Variants in SNTG1 observed in about 807,000 individuals in gnomAD.
SNTG1 encodes syntrophin gamma 1, also known as gamma-1-syntrophin.
A neutral mutation model predicts 74.7 loss-of-function variants in SNTG1; 39 were observed. The ratio of observed to expected loss-of-function variants is 0.52; its 90% CI spans 0.40 to 0.68. The LOEUF is 0.68. Ranked by LOEUF, SNTG1 falls within the 30% of genes least tolerant of loss-of-function variation. The pLI is 0.00. For synonymous variants in SNTG1, 254 were observed against 217.1 expected, an observed-to-expected ratio of 1.17 and a Z score of -1.49; for missense variants, 685 against 609.5, an observed-to-expected ratio of 1.12 and a Z score of -1.30.
chr8:50,108,638 C>T (rs934507946), intron 1 of SNTG1, among the ~76,000 whole-genome samples: 1 of 152,144 alleles, frequency 6.6e-6, no homozygotes, highest in African/African-American at 2.4e-5. Flanking sequence ...TTAGTATCTT[C>T]TTTCTTTGTG....
intron 2 of SNTG1, among the ~76,000 whole-genome samples, chr8:50,259,936 A>G (rs1159725719): frequency 6.6e-6 from 1 of 152,144 alleles, no homozygotes. Flanking sequence ...GTGGATGAGT[A>G]TTAATAGTTC....
chr8:50,022,523 C>A (rs2130687096), intron 1 of SNTG1, among the ~76,000 whole-genome samples: 1 of 152,304 alleles, frequency 6.6e-6, no homozygotes, highest in East Asian at 1.9e-4. Flanking sequence ...CAGATCCTCC[C>A]TAGCACTGAT....
chr8:50,785,016 CTCA>C (rs2095670656), intron 18 of SNTG1, among the ~76,000 whole-genome samples: 1 of 151,868 alleles, frequency 6.6e-6, no homozygotes, highest in Non-Finnish European at 1.5e-5. Context: ...ACAATGAAAT[CTCA>C]TCATGCTAAA....
intron 1 of SNTG1, among the ~76,000 whole-genome samples, chr8:49,957,823 A>G (rs538455138): frequency 6.6e-6 from 1 of 152,246 alleles, no homozygotes; most frequent in Admixed American, 6.5e-5. Flanking sequence ...TTTAAAAGCC[A>G]GGCATGGTGG....
At chr8:50,088,263 T>G (rs903468678) in intron 1 of SNTG1, among the ~76,000 whole-genome samples, 2 of 150,338 alleles carry the variant, frequency 1.3e-5, no homozygotes, top group African/African-American at 2.4e-5. Context: ...TTCAAAATAA[T>G]AAGAGCTATC....
chr8:50,431,692 G>C (rs1396994510), intron 4 of SNTG1, among the ~76,000 whole-genome samples: 3 of 152,078 alleles, frequency 2.0e-5, no homozygotes, highest in African/African-American at 7.2e-5. Flanking sequence ...AAAGCATTTG[G>C]TATTGTCAGT....
chr8:50,141,655 A>T (rs2081662399), intron 1 of SNTG1, among the ~76,000 whole-genome samples: 1 of 152,140 alleles, frequency 6.6e-6, no homozygotes, highest in Non-Finnish European at 1.5e-5. Flanking sequence ...CAATGACAAC[A>T]ACAAAATGAC....
chr8:50,592,355 C>A (rs1231946865), intron 13 of SNTG1, among the ~76,000 whole-genome samples: 1 of 152,112 alleles, frequency 6.6e-6, no homozygotes, highest in Non-Finnish European at 1.5e-5. Context: ...TGTCGTCACC[C>A]TCTCATGCCC....
chr8:50,473,997 C>G (rs11995834), intron 8 of SNTG1, among the ~76,000 whole-genome samples: 130,670 of 151,860 alleles, frequency 0.86, 56,333 homozygotes, highest in Non-Finnish European at 0.89. Flanking sequence ...ACTGGCTCCA[C>G]CACAGAGGTG....
chr8:50,410,254 GGT>G (rs2131391036), intron 4 of SNTG1, among the ~76,000 whole-genome samples: 2 of 152,222 alleles, frequency 1.3e-5, no homozygotes, highest in South Asian at 4.1e-4. Flanking sequence ...TGGGAGGCAT[GGT>G]GTGTGCAGGC....
intron 2 of SNTG1, among the ~76,000 whole-genome samples, chr8:50,371,386 G>A (rs1395424737): frequency 6.6e-6 from 1 of 152,122 alleles, no homozygotes; most frequent in Non-Finnish European, 1.5e-5. Flanking sequence ...AATTCCCATG[G>A]ACCCCATTCC....
chr8:50,462,063 A>G (rs1363077787), intron 8 of SNTG1, among the ~76,000 whole-genome samples: 1 of 152,094 alleles, frequency 6.6e-6, no homozygotes, highest in African/African-American at 2.4e-5. Context: ...CTCCAATGAC[A>G]GGTGCACCAA....
intron 1 of SNTG1, among the ~76,000 whole-genome samples, chr8:49,929,464 C>T (rs186146540): frequency 2.8e-4 from 43 of 152,320 alleles, no homozygotes; most frequent in African/African-American, 4.6e-4. Flanking sequence ...GTCATAGCAA[C>T]GATGCAACTT....
chr8:50,058,451 A>G (rs1820207201), intron 1 of SNTG1, among the ~76,000 whole-genome samples: 1 of 152,114 alleles, frequency 6.6e-6, no homozygotes, highest in African/African-American at 2.4e-5. Context: ...TAGAAAGGCC[A>G]AGTGATTTTT....
intron 13 of SNTG1, among the ~76,000 whole-genome samples, chr8:50,600,647 T>C (rs2094765976): frequency 6.6e-6 from 1 of 152,134 alleles, no homozygotes; most frequent in Non-Finnish European, 1.5e-5. Context: ...AATTAGAAAT[T>C]CATCTCTAAT....
chr8:50,283,806 T>G (rs1021395257), intron 2 of SNTG1, among the ~76,000 whole-genome samples: 9 of 152,152 alleles, frequency 5.9e-5, no homozygotes, highest in African/African-American at 2.2e-4. Flanking sequence ...GATCACACAT[T>G]ATTTTGTTTT....
At chr8:50,614,640 G>T (rs1219324402) in intron 13 of SNTG1, among the ~76,000 whole-genome samples, 1 of 152,086 alleles carries the variant, frequency 6.6e-6, no homozygotes, top group Non-Finnish European at 1.5e-5. Flanking sequence ...ACAGAAGCAT[G>T]AGTAAATTTT....
chr8:50,623,543 T>A (rs540507542), intron 13 of SNTG1, among the ~76,000 whole-genome samples: 2 of 152,222 alleles, frequency 1.3e-5, no homozygotes, highest in South Asian at 4.1e-4. Context: ...ATTTCCAGAT[T>A]CCATGTCCCT....
intron 15 of SNTG1, among the ~76,000 whole-genome samples, chr8:50,660,508 G>A (rs2095216895): frequency 7.5e-6 from 1 of 132,756 alleles, no homozygotes; most frequent in Non-Finnish European, 1.6e-5. Flanking sequence ...GAAGGAGAAG[G>A]AAGGGAGGGA....
Sources: gnomAD v4.1 joint callset for allele counts (sites outside exome capture counted in the v4.1 genomes callset) on GRCh38, gnomAD v4.1.1 for gene constraint, MANE v1.5 for transcripts, NCBI Gene and HGNC (gene_info 2026-07-23, HGNC 2026-07-21) for gene names.